The following MTO1 variants were observed in gnomAD, a reference collection of about 807,000 sequenced individuals.
MTO1 encodes the protein mitochondrial tRNA translation optimization 1, also known as 5-taurinomethyluridine-[tRNA] synthase subunit MTO1, mitochondrial.
Under a neutral mutation model 71.6 loss-of-function variants are expected in MTO1, and 46 were observed. That is an observed-to-expected ratio of 0.64 (90% CI 0.51 to 0.82). MTO1 has a LOEUF of 0.82. MTO1 is among the 40% of genes least tolerant of loss of function. The pLI is 0.00. For missense variants in MTO1, 773 were observed against 867.5 expected, an observed-to-expected ratio of 0.89 and a Z score of 1.37; for synonymous variants, 297 against 312.1, an observed-to-expected ratio of 0.95 and a Z score of 0.51.
chr6:73,487,787 C>T lies in MTO1; in HGVS notation c.1638-4447C>T, dbSNP rs547578671. 3.3e-5 allele frequency: 5 copies of T among 151,764 alleles called. No homozygotes were observed. The East Asian group carries it at 9.9e-4, about 30-fold the overall frequency. The allele number at this position is 151,764 out of a possible 1,614,324, so 9.4% of individuals were successfully genotyped here. On this transcript the variant is annotated intron_variant, in intron 9 of 11. Coordinates refer to ENST00000498286, the MANE Select transcript of MTO1 (RefSeq NM_012123.4). The stretch of plus-strand genomic sequence containing the variant: ...GTGTGGAGACCCAATCAGCGTAGAG[C>T]ACTACAGTCCAGAACTCCTGGGCTC...
At position 73,466,254 on chromosome 6, in the gene MTO1, A is replaced by G. The variant is rs780005568; in HGVS notation, c.263A>G (p.His88Arg). Reference protein sequence around the residue: ...NPSFGGIGKGHLMREVDALDG... With the variant: ...NPSFGGIGKGRLMREVDALDG... ...TCCTTTGGTGGCATCGGAAAGGGAC[A>G]TTTAATGAGGGAAGTAGATGCCTTG... is the stretch of plus-strand genomic sequence containing the variant. The change falls in exon 2 of 12, where the codon CAT (histidine) becomes CGT (arginine). Residue 88 changes from histidine to arginine, a missense_variant. Physicochemically the swap from His to Arg is conservative, Grantham distance 29. Transcript: ENST00000498286. 1 of 1,614,136 alleles carries G rather than the reference A, an allele frequency of 6.2e-7. No homozygotes were observed. Among genetic ancestry groups the G allele is most frequent in the South Asian group, 1.1e-5 (1 of 91,082 alleles).
Position 73,461,839 on chromosome 6 carries a change from A to C in MTO1, c.-16A>C, listed in dbSNP as rs1554147191. The C allele has an allele frequency of 3.7e-6, 6 of 1,606,072 alleles. No homozygotes were observed. The Admixed American group carries it at 6.7e-5, about 18-fold the overall frequency. ...ACTCGTGTCAGCTTCAAAGTCAGAT[A>C]GATTTTTCTCCCAGCATGTTCTACT... On this transcript the variant is annotated 5_prime_UTR_variant, in exon 1 of 12. Transcript: ENST00000498286.
chr6:73,464,477 A>T (rs1009780326), intron 1 of MTO1, among the ~76,000 whole-genome samples: 4 of 152,076 alleles, frequency 2.6e-5, no homozygotes, highest in African/African-American at 9.7e-5. Flanking sequence ...TGTGGAGACC[A>T]TTAAAACTTG....
Position 73,501,959 on chromosome 6 carries a change from G to A in MTO1, c.*1224G>A, listed in dbSNP as rs548516626. On this transcript the variant is annotated 3_prime_UTR_variant, in exon 12 of 12. Coordinates refer to ENST00000498286, the MANE Select transcript of MTO1 (RefSeq NM_012123.4). ...CTTGGGTTTATTTTATCTAATTTTA[G>A]TCTTTCCAGAAAGCAGTAAGATTAG... 9.9e-5 allele frequency: 15 copies of A among 152,138 alleles called. No homozygotes were observed. Among genetic ancestry groups the A allele is most frequent in the Admixed American group, 5.2e-4 (8 of 15,272 alleles). 9.4% of individuals were successfully genotyped at this position (152,138 alleles called of 1,614,324 possible).
chr6:73,489,564 C>T (rs1771749422), intron 9 of MTO1, among the ~76,000 whole-genome samples: 1 of 151,698 alleles, frequency 6.6e-6, no homozygotes, highest in South Asian at 2.1e-4. Flanking sequence ...TGATAGTTTG[C>T]TCAGAATGAT....
chr6:73,461,758 G>C lies in MTO1; in HGVS notation c.-97G>C. 7.4e-7 allele frequency: 1 copy of C among 1,354,658 alleles called. No homozygotes were observed. The highest frequency in any genetic ancestry group is 1.0e-6 in the Non-Finnish European group (1 of 977,504). The allele number at this position is 1,354,658 out of a possible 1,614,324, so 83.9% of individuals were successfully genotyped here. A position where few individuals can be genotyped will look rare whatever the true frequency, so the allele number is the denominator to read the frequency against. On this transcript the variant is annotated 5_prime_UTR_variant, in exon 1 of 12. Transcript: ENST00000498286. ...AGACGTCCTACCCCGTGATATTAAA[G>C]CAAGATGGCCGCGCCCTGCAGATTG...
rs1403143451 is a variant in MTO1 at position 73,476,439 on chromosome 6, C to T, written c.825+2785C>T. Among the ~76,000 whole-genome samples, 6 of 138,700 alleles carry T rather than the reference C, an allele frequency of 4.3e-5. No individual in the cohort carries two copies. The South Asian group carries it at 6.9e-4, about 16-fold the overall frequency. 91.0% of individuals were successfully genotyped at this position (138,700 alleles called of 152,430 possible). A position where few individuals can be genotyped will look rare whatever the true frequency, so the allele number is the denominator to read the frequency against. ...CGCATATAATTTTATTTTAAAAAGA[C>T]GGAGAAAAACAAAAAAAAGTAAGCA... On this transcript the variant is annotated intron_variant, in intron 4 of 11. Transcript: ENST00000498286.
In MTO1 at chr6:73,480,543, T is replaced by G. The variant is rs1771459590; in HGVS notation, c.1130-132T>G. 2.6e-6 allele frequency: 3 copies of G among 1,169,628 alleles called. No individual in the cohort carries two copies. The South Asian group carries it at 4.2e-5, about 16-fold the overall frequency. The allele number at this position is 1,169,628 out of a possible 1,614,324, so 72.5% of individuals were successfully genotyped here. On this transcript the variant is annotated intron_variant, in intron 6 of 11. Coordinates refer to ENST00000498286, the MANE Select transcript of MTO1 (RefSeq NM_012123.4). ...CCTTGGCCCCCCAAAGTGCTGAGAT[T>G]ACAGGTGTGAGCCACTGCTCCTGAC...
Position 73,466,392 on chromosome 6 carries a change from A to G in MTO1, c.401A>G (p.Tyr134Cys), listed in dbSNP as rs757038538. 6.2e-7 allele frequency: 1 copy of G among 1,614,194 alleles called. No individual in the cohort carries two copies. Among genetic ancestry groups the G allele is most frequent in the Non-Finnish European group, 8.5e-7 (1 of 1,180,014 alleles). The change falls in exon 2 of 12, where the codon TAT (tyrosine) becomes TGT (cysteine). Residue 134 changes from tyrosine to cysteine, a missense_variant. Transcript: ENST00000498286. ...GLRAQIDRKL[Y>C]KQNMQKEILN... ...AGAGCTCAGATTGATAGGAAACTCT[A>G]TAAACAGAACATGCAGGTAAGAATA...
intron 3 of MTO1, 27 bp downstream of exon 3, chr6:73,466,633 G>A (rs780806520): frequency 1.9e-6 from 3 of 1,556,374 alleles, no homozygotes; most frequent in East Asian, 4.5e-5. Context: ...GATGGTGTAT[G>A]ATAACAGCAT....
At chr6:73,489,970 T>C (rs1348796307) in intron 9 of MTO1, among the ~76,000 whole-genome samples, 2 of 152,230 alleles carry the variant, frequency 1.3e-5, no homozygotes, top group Non-Finnish European at 2.9e-5. Context: ...GATTTTTTAA[T>C]GATCACCATT....
At position 73,500,616 on chromosome 6, in the gene MTO1, A is replaced by G. The variant is rs1772132746; in HGVS notation, c.1960A>G (p.Ile654Val). 3 of 1,613,960 alleles carry G rather than the reference A, an allele frequency of 1.9e-6. No individual in the cohort carries two copies. Among genetic ancestry groups the G allele is most frequent in the African/African-American group, 1.3e-5 (1 of 74,926 alleles). ...SRIPGVTPAA[I>V]INLLRFVKTT... is the part of the protein sequence containing the mutation. ...CATACCCGGAGTAACACCTGCCGCC[A>G]TCATCAATCTGCTGAGATTTGTGAA... Residue 654 changes from isoleucine (I) to valine (V), a missense_variant, in exon 12 of 12, where the codon ATC becomes GTC. By Grantham distance (29) the Ile-to-Val change is conservative (BLOSUM62 3). Transcript: ENST00000498286.
At chr6:73,488,742 C>G (rs565422125) in intron 9 of MTO1, among the ~76,000 whole-genome samples, 9 of 151,220 alleles carry the variant, frequency 6.0e-5, no homozygotes, top group African/African-American at 2.2e-4. Flanking sequence ...AACCCCATCT[C>G]TACCAAAAAT....
At chr6:73,499,294 A>G (rs1271612819) in intron 11 of MTO1, among the ~76,000 whole-genome samples, 1 of 152,076 alleles carries the variant, frequency 6.6e-6, no homozygotes, top group East Asian at 1.9e-4. Context: ...TTGTATGGAT[A>G]ATCATAGGCT....
chr6:73,497,387 C>G (rs1449428989), intron 10 of MTO1, among the ~76,000 whole-genome samples: 2 of 151,980 alleles, frequency 1.3e-5, no homozygotes, highest in African/African-American at 2.4e-5. Flanking sequence ...CTCTTGAGCT[C>G]AGACTATCCA....
chr6:73,480,776 A>G lies in MTO1; in HGVS notation c.1231A>G (p.Thr411Ala). ...RLFFAGQING[T>A]TGYEEAAAQG... Reference sequence around the variant, plus strand: ...CTTCTTTGCTGGACAGATCAATGGCACCACTGGTTATGAGGAAGCTGCAGC... The same window carrying G: ...CTTCTTTGCTGGACAGATCAATGGCGCCACTGGTTATGAGGAAGCTGCAGC... The change falls in exon 7 of 12, where the codon ACC (threonine) becomes GCC (alanine). Residue 411 changes from threonine to alanine, a missense_variant. Thr to Ala is a moderately conservative substitution (Grantham distance 58). Coordinates refer to ENST00000498286, the MANE Select transcript of MTO1 (RefSeq NM_012123.4). 1 of 1,614,010 alleles carries G rather than the reference A, an allele frequency of 6.2e-7. No individual in the cohort carries two copies.
intron 9 of MTO1, among the ~76,000 whole-genome samples, chr6:73,486,253 A>G (rs1771650222): frequency 6.6e-6 from 1 of 152,118 alleles, no homozygotes; most frequent in African/African-American, 2.4e-5. Context: ...CATAATTACC[A>G]TCTTAACTAT....
intron 7 of MTO1, 103 bp downstream of exon 7, chr6:73,480,908 A>G (rs1220922970): frequency 6.4e-6 from 8 of 1,247,800 alleles, no homozygotes; most frequent in African/African-American, 1.5e-5. Flanking sequence ...GATACAATTC[A>G]TACTAATAGA....
rs1306579225 is a variant in MTO1, at chr6:73,480,706, C to T, written c.1161C>T (p.Pro387=). The change falls in exon 7 of 12, where the codon CCC becomes CCT. Residue 387 remains proline, a synonymous_variant. Transcript: ENST00000498286. ...GTGTTCAGTATGATTACTTAGATCC[C>T]CGTCAGATCACCCCTTCCTTGGAGA... ...GYGVQYDYLD[P]RQITPSLETH... is the part of the protein sequence containing the mutation. 6.2e-7 allele frequency: 1 copy of T among 1,613,788 alleles called. No individual in the cohort carries two copies. Among genetic ancestry groups the T allele is most frequent in the Admixed American group, 1.7e-5 (1 of 59,948 alleles).
Sources: allele counts gnomAD v4.1 joint callset (sites outside exome capture counted in the v4.1 genomes callset), GRCh38; gene constraint gnomAD v4.1.1; transcripts MANE v1.5; gene names NCBI Gene and HGNC (gene_info 2026-07-23, HGNC 2026-07-21).